CPEB3: variants seen among roughly 807,000 people sequenced by gnomAD.
CPEB3 encodes the protein cytoplasmic polyadenylation element binding protein 3.
In CPEB3, 20 loss-of-function variants were observed where a neutral mutation model predicts 67.2. The ratio of observed to expected loss-of-function variants is 0.30; its 90% CI spans 0.21 to 0.43. The LOEUF is 0.43. Among genes scored for constraint, CPEB3 ranks in the 20% least tolerant of loss-of-function variants. The pLI, the probability that CPEB3 is intolerant of heterozygous loss-of-function variation, is 1.00. For synonymous variants in CPEB3, 376 were observed against 393.1 expected, an observed-to-expected ratio of 0.96 and a Z score of 0.51; for missense variants, 746 against 968.6, an observed-to-expected ratio of 0.77 and a Z score of 3.05.
intron 2 of CPEB3, among the ~76,000 whole-genome samples, chr10:92,195,992 C>T (rs1317945802): frequency 3.3e-5 from 5 of 152,178 alleles, no homozygotes; most frequent in African/African-American, 1.2e-4. Flanking sequence ...TAGATGACTA[C>T]CTGTCAGGAA....
At chr10:92,087,679 A>C (rs1022916319) in intron 8 of CPEB3, among the ~76,000 whole-genome samples, 1 of 152,112 alleles carries the variant, frequency 6.6e-6, no homozygotes, top group Non-Finnish European at 1.5e-5. Context: ...CTCACTCTCT[A>C]CTTTTTCCTG....
At chr10:92,205,812 A>C (rs1849761561) in intron 2 of CPEB3, among the ~76,000 whole-genome samples, 1 of 152,084 alleles carries the variant, frequency 6.6e-6, no homozygotes, top group Non-Finnish European at 1.5e-5. Context: ...TCCTTGAAGA[A>C]GGCCAACTAC....
chr10:92,052,507 G>T, intron 9 of CPEB3, 68 bp from the exon 10 acceptor site: 2 of 1,343,744 alleles, frequency 1.5e-6, no homozygotes, highest in Non-Finnish European at 1.0e-6. Context: ...TTGCTTTTGA[G>T]AGTTTACACT....
rs549211899 is a variant in CPEB3 at position 92,098,500 on chromosome 10, G to T, written c.1573-6556C>A. On this transcript the variant is annotated intron_variant, in intron 7 of 9. Coordinates refer to ENST00000265997, the MANE Select transcript of CPEB3 (RefSeq NM_014912.5). ...AATTTTGTATTTTTAGTAGAGACGG[G>T]GTTTCTCCATGTTGGTCGGGATGGT... Among the ~76,000 whole-genome samples the T allele has an allele frequency of 5.9e-5, 9 of 152,036 alleles. 2 individuals carry two copies. The highest frequency in any genetic ancestry group is 2.2e-4 in the African/African-American group (9 of 41,504).
chr10:92,081,242 G>A, intron 9 of CPEB3, 78 bp downstream of exon 9: 1 of 1,468,742 alleles, frequency 6.8e-7, no homozygotes, highest in Non-Finnish European at 9.5e-7. Flanking sequence ...ATGATCATAA[G>A]GTGCCTTTCT....
intron 2 of CPEB3, among the ~76,000 whole-genome samples, chr10:92,227,717 G>A (rs1310626651): frequency 6.0e-5 from 9 of 149,518 alleles, no homozygotes; most frequent in South Asian, 2.1e-4. Flanking sequence ...TCAGCCTCCC[G>A]AGTAGCTGGG....
At chr10:92,130,835 G>A (rs756456795) in intron 6 of CPEB3, among the ~76,000 whole-genome samples, 13 of 152,006 alleles carry the variant, frequency 8.6e-5, no homozygotes, top group Non-Finnish European at 1.6e-4. Context: ...AAGGCTAAAG[G>A]GCTGAATAGT....
At chr10:92,196,700 G>A (rs534297167) in intron 2 of CPEB3, among the ~76,000 whole-genome samples, 11 of 151,986 alleles carry the variant, frequency 7.2e-5, no homozygotes, top group East Asian at 1.9e-4. Context: ...CTGGGGAGGC[G>A]GAGGTTGCAG....
intron 6 of CPEB3, chr10:92,137,725 G>A (rs954787308): frequency 2.5e-6 from 1 of 406,020 alleles, no homozygotes; most frequent in Non-Finnish European, 4.5e-6. Flanking sequence ...TCGGCTGGGT[G>A]CAGTGGCTCA....
At chr10:92,253,472 A>AG (rs1049028695) in intron 1 of CPEB3, among the ~76,000 whole-genome samples, 1 of 150,806 alleles carries the variant, frequency 6.6e-6, no homozygotes, top group African/African-American at 2.4e-5. Flanking sequence ...ACAAAAAAAA[A>AG]AAAAAAAAAA....
Position 92,239,424 on chromosome 10 carries a change from C to T in CPEB3, c.927G>A (p.Ala309=), listed in dbSNP as rs759550150. Residue 309 remains alanine, a synonymous_variant, in exon 2 of 10, where the codon GCG becomes GCA. Coordinates refer to ENST00000265997, the MANE Select transcript of CPEB3 (RefSeq NM_014912.5). The surrounding 1 kb of genome is among the most constrained non-coding windows in gnomAD (Gnocchi z 6.0). ...TCCAGGACTTGGAAGTGAGAGGGGC[C>T]GCGCGAGGGAACTTGGGCGGCGCGA... The part of the protein sequence containing the change: ...NVIAPPKFPR[A]APLTSKSWME... 5 of 1,602,942 alleles carry T rather than the reference C, an allele frequency of 3.1e-6. No homozygotes were observed. Among genetic ancestry groups the T allele is most frequent in the Non-Finnish European group, 4.3e-6 (5 of 1,174,644 alleles).
chr10:92,262,880 C>T (rs1220666218), intron 1 of CPEB3, among the ~76,000 whole-genome samples: 3 of 151,968 alleles, frequency 2.0e-5, no homozygotes, highest in Non-Finnish European at 4.4e-5. Flanking sequence ...AGCACAGCAG[C>T]GTGATTGTGG....
rs1852146706 is a variant in CPEB3 at position 92,047,435 on chromosome 10, G to A, written c.*4777C>T. The A allele has an allele frequency of 6.6e-6, 1 of 152,104 alleles. No homozygotes were observed. Among genetic ancestry groups the A allele is most frequent in the Non-Finnish European group, 1.5e-5 (1 of 68,026 alleles). 9.4% of individuals were successfully genotyped at this position (152,104 alleles called of 1,614,324 possible). Reference sequence around the variant, plus strand: ...TCACAATACTCAAATATTTAGGTAGGAGCTTTACCCAGTTAAATGCCATTT... The same window carrying A: ...TCACAATACTCAAATATTTAGGTAGAAGCTTTACCCAGTTAAATGCCATTT... On this transcript the variant is annotated 3_prime_UTR_variant, in exon 10 of 10. Coordinates refer to ENST00000265997, the MANE Select transcript of CPEB3 (RefSeq NM_014912.5).
At chr10:92,097,626 T>C (rs1740811010) in intron 7 of CPEB3, among the ~76,000 whole-genome samples, 1 of 152,142 alleles carries the variant, frequency 6.6e-6, no homozygotes, top group African/African-American at 2.4e-5. Flanking sequence ...TACCATATAG[T>C]GACTTTAACA....
intron 8 of CPEB3, among the ~76,000 whole-genome samples, chr10:92,091,173 C>A (rs1381288158): frequency 6.6e-6 from 1 of 152,040 alleles, no homozygotes; most frequent in African/African-American, 2.4e-5. Context: ...ATAAATAACA[C>A]AAAAGAAATG....
chr10:92,234,201 C>T (rs538810666), intron 2 of CPEB3, among the ~76,000 whole-genome samples: 40 of 151,726 alleles, frequency 2.6e-4, no homozygotes, highest in African/African-American at 9.7e-4. Flanking sequence ...AATTTGAATC[C>T]AGGCAATCTG....
At chr10:92,054,726 G>C (rs576215440) in intron 9 of CPEB3, among the ~76,000 whole-genome samples, 1 of 152,292 alleles carries the variant, frequency 6.6e-6, no homozygotes, top group African/African-American at 2.4e-5. Context: ...ACAGGAGTGA[G>C]CCACCACACC....
chr10:92,208,751 G>A (rs1488328460), intron 2 of CPEB3, among the ~76,000 whole-genome samples: 1 of 151,900 alleles, frequency 6.6e-6, no homozygotes, highest in Non-Finnish European at 1.5e-5. Flanking sequence ...ACACCATCAT[G>A]CCTGGCTAAT....
chr10:92,176,565 C>G (rs1237243273), intron 4 of CPEB3, among the ~76,000 whole-genome samples: 1 of 152,248 alleles, frequency 6.6e-6, no homozygotes, highest in African/African-American at 2.4e-5. Context: ...TTAAGAAACA[C>G]TATTCCCAGT....
Sources: gnomAD v4.1 joint callset for allele counts (sites outside exome capture counted in the v4.1 genomes callset) on GRCh38, gnomAD v4.1.1 for gene constraint, Gnocchi (gnomAD v3.1) non-coding constraint, MANE v1.5 for transcripts, NCBI Gene and HGNC (gene_info 2026-07-23, HGNC 2026-07-21) for gene names.